Variants in MAPKAP1 observed in about 807,000 individuals in gnomAD.
MAPKAP1 encodes target of rapamycin complex 2 subunit MAPKAP1.
MAPKAP1 carries 20 observed loss-of-function variants against 65.7 expected under a neutral mutation model. The ratio of observed to expected loss-of-function variants is 0.30; its 90% confidence interval spans 0.21 to 0.44. MAPKAP1 has a LOEUF of 0.44. Among genes scored for constraint, MAPKAP1 ranks in the 20% least tolerant of loss-of-function variants. MAPKAP1 has a pLI of 1.00. For missense variants in MAPKAP1, 423 were observed against 648.0 expected, an observed-to-expected ratio of 0.65 and a Z score of 3.77; for synonymous variants, 222 against 244.3, an observed-to-expected ratio of 0.91 and a Z score of 0.85.
intron 10 of MAPKAP1, among the ~76,000 whole-genome samples, chr9:125,459,222 C>A (rs1008332042): frequency 4.0e-5 from 6 of 150,056 alleles, no homozygotes; most frequent in African/African-American, 1.5e-4. Flanking sequence ...CGATGGGCGG[C>A]GGGGCAGAGA....
At chr9:125,615,734 G>A (rs144669280) in intron 4 of MAPKAP1, among the ~76,000 whole-genome samples, 1,622 of 151,856 alleles carry the variant, frequency 0.011, 37 homozygotes, top group African/African-American at 0.037. Flanking sequence ...CCAACATGGC[G>A]AAACCCCATC....
chr9:125,488,204 C>CA (rs1186083510), intron 8 of MAPKAP1, among the ~76,000 whole-genome samples: 2 of 152,174 alleles, frequency 1.3e-5, no homozygotes, highest in Non-Finnish European at 2.9e-5. Context: ...CCCCAACTGA[C>CA]AAGGGGCATG....
chr9:125,610,612 T>C (rs899361134), intron 4 of MAPKAP1, among the ~76,000 whole-genome samples: 1 of 152,114 alleles, frequency 6.6e-6, no homozygotes, highest in East Asian at 1.9e-4. Flanking sequence ...GAGAGTAAAT[T>C]AGAATTAAGG....
intron 4 of MAPKAP1, among the ~76,000 whole-genome samples, chr9:125,605,635 G>A (rs994600313): frequency 3.9e-5 from 6 of 152,122 alleles, no homozygotes; most frequent in African/African-American, 7.2e-5. Flanking sequence ...CAGGCTCCAC[G>A]GCTGGCATCC....
At chr9:125,609,537 G>C (rs890930463) in intron 4 of MAPKAP1, among the ~76,000 whole-genome samples, 1 of 152,080 alleles carries the variant, frequency 6.6e-6, no homozygotes. Context: ...CTTTAAGAAA[G>C]AGTCTCACTA....
chr9:125,606,087 A>C (rs2131619863), intron 4 of MAPKAP1, among the ~76,000 whole-genome samples: 1 of 152,286 alleles, frequency 6.6e-6, no homozygotes, highest in African/African-American at 2.4e-5. Flanking sequence ...TTAAACTTAG[A>C]AATAATTTTT....
intron 5 of MAPKAP1, chr9:125,565,865 T>C (rs953196481): frequency 8.6e-6 from 2 of 232,734 alleles, no homozygotes; most frequent in Non-Finnish European, 1.8e-5. Context: ...CTCCAGTGTG[T>C]ATCTACCAAC....
chr9:125,614,078 G>A (rs1176195484), intron 4 of MAPKAP1, among the ~76,000 whole-genome samples: 2 of 152,080 alleles, frequency 1.3e-5, no homozygotes, highest in South Asian at 2.1e-4. Context: ...GATTACAGGC[G>A]TGAGCCACCA....
At chr9:125,569,844 T>C (rs1246120537) in intron 5 of MAPKAP1, among the ~76,000 whole-genome samples, 1 of 152,214 alleles carries the variant, frequency 6.6e-6, no homozygotes, top group Non-Finnish European at 1.5e-5. Flanking sequence ...AGAGCTCTAA[T>C]TGGCTTAAAC....
chr9:125,638,668 T>C (rs1158240076), intron 4 of MAPKAP1, among the ~76,000 whole-genome samples: 1 of 152,236 alleles, frequency 6.6e-6, no homozygotes, highest in African/African-American at 2.4e-5. Context: ...CTCTCACTCA[T>C]GTCCCTCAAT....
Position 125,595,206 on chromosome 9 carries a change from G to A in MAPKAP1, c.499-9479C>T, listed in dbSNP as rs1832090141. Among the ~76,000 whole-genome samples, 1 of 152,098 alleles carries A rather than the reference G, an allele frequency of 6.6e-6. No individual in the cohort carries two copies. The highest frequency in any genetic ancestry group is 2.1e-4 in the South Asian group (1 of 4,824). Reference sequence around the variant, plus strand: ...CTAAGTCAAAGACTATGAATGTTTTGTAACTTGTGATATATACTGGAAAAG... The same window carrying A: ...CTAAGTCAAAGACTATGAATGTTTTATAACTTGTGATATATACTGGAAAAG... On this transcript the variant is annotated intron_variant, in intron 4 of 11. Transcript: ENST00000265960. This position sits in a 1 kb window ranked among gnomAD's most constrained non-coding sequence, Gnocchi z 4.0.
intron 7 of MAPKAP1, among the ~76,000 whole-genome samples, chr9:125,529,192 A>AG: frequency 6.6e-6 from 1 of 151,276 alleles, no homozygotes; most frequent in African/African-American, 2.4e-5. Context: ...AAAAAAAAAA[A>AG]AAAAGAAAGA....
At chr9:125,444,722 T>C (rs1852635736) in intron 10 of MAPKAP1, 124 bp from the exon 11 acceptor site, 2 of 619,820 alleles carry the variant, frequency 3.2e-6, no homozygotes, top group Non-Finnish European at 5.6e-6. Flanking sequence ...GCACCTAGTC[T>C]TCCCAGGAGT....
intron 1 of MAPKAP1, among the ~76,000 whole-genome samples, chr9:125,682,433 T>TA: frequency 6.6e-6 from 1 of 152,348 alleles, no homozygotes; most frequent in East Asian, 1.9e-4. Context: ...ATCTGTATTT[T>TA]CAAAGTGTTT....
intron 1 of MAPKAP1, among the ~76,000 whole-genome samples, chr9:125,675,102 T>A: frequency 6.6e-6 from 1 of 152,056 alleles, no homozygotes; most frequent in Middle Eastern, 3.2e-3. Flanking sequence ...GTATCACAGA[T>A]CAGAGCTGCA....
At chr9:125,542,271 C>A (rs1830274873) in intron 7 of MAPKAP1, among the ~76,000 whole-genome samples, 1 of 152,174 alleles carries the variant, frequency 6.6e-6, no homozygotes, top group Non-Finnish European at 1.5e-5. Flanking sequence ...TATATGCCTC[C>A]CCTTAAAAAG....
chr9:125,706,065 A>G (rs752493195), intron 1 of MAPKAP1, among the ~76,000 whole-genome samples: 139 of 152,302 alleles, frequency 9.1e-4, no homozygotes, highest in Non-Finnish European at 1.7e-3. Context: ...CAAATCCCGC[A>G]GGTGTGTAAA....
At chr9:125,678,763 T>C (rs1834732252) in intron 1 of MAPKAP1, among the ~76,000 whole-genome samples, 1 of 152,202 alleles carries the variant, frequency 6.6e-6, no homozygotes, top group Non-Finnish European at 1.5e-5. Context: ...TTACTAGGTT[T>C]TGATGGGCAT....
chr9:125,671,649 TAA>T (rs777500917), intron 2 of MAPKAP1, among the ~76,000 whole-genome samples: 6 of 151,884 alleles, frequency 4.0e-5, no homozygotes, highest in Non-Finnish European at 7.4e-5. Context: ...CAAAAAAATA[TAA>T]GTGGGAAAAT....
Sources: gnomAD v4.1 joint callset for allele counts (sites outside exome capture counted in the v4.1 genomes callset) on GRCh38, gnomAD v4.1.1 for gene constraint, Gnocchi (gnomAD v3.1) non-coding constraint, MANE v1.5 for transcripts, NCBI Gene and HGNC (gene_info 2026-07-23, HGNC 2026-07-21) for gene names.